POP1: variants seen among roughly 807,000 people sequenced by gnomAD.
The protein encoded by POP1 is ribonucleases P/MRP protein subunit POP1.
POP1 carries 75 observed loss-of-function variants against 102.2 expected under a neutral mutation model. The ratio of observed to expected loss-of-function variants is 0.73; its 90% CI spans 0.61 to 0.89. POP1 has a LOEUF of 0.89. POP1 is among the 40% of genes least tolerant of loss of function. The pLI is 0.00. For missense variants in POP1, 1,116 were observed against 1,267.4 expected (o/e 0.88, Z 1.81); for synonymous variants, 436 against 464.1 (o/e 0.94, Z 0.78).
intron 2 of POP1, among the ~76,000 whole-genome samples, chr8:98,124,428 G>T (rs1315912683): frequency 1.3e-5 from 2 of 152,074 alleles, no homozygotes; most frequent in Non-Finnish European, 2.9e-5. Flanking sequence ...CAGACATGGT[G>T]GTGTGTGCCT....
rs1412157334 is a variant in POP1, at chr8:98,134,567, C to G, written c.919C>G (p.Pro307Ala). ...VNKYPREMLG[P>A]VTFIWKSQRT... ...TAAATATCCCAGAGAAATGCTTGGG[C>G]CTGTTACGTTTATCTGGAAGTCCCA... The change falls in exon 7 of 16, where the codon CCT becomes GCT. Residue 307 changes from proline (P) to alanine (A), a missense_variant. Coordinates refer to ENST00000401707, the MANE Select transcript of POP1 (RefSeq NM_001145860.2). 4.3e-6 allele frequency: 7 copies of G among 1,614,054 alleles called. No individual in the cohort carries two copies. The highest frequency in any genetic ancestry group is 5.9e-6 in the Non-Finnish European group (7 of 1,179,924).
intron 12 of POP1, among the ~76,000 whole-genome samples, chr8:98,147,707 G>A (rs2130622093): frequency 6.6e-6 from 1 of 152,232 alleles, no homozygotes; most frequent in Middle Eastern, 3.4e-3. Flanking sequence ...GAGTGGAGAG[G>A]GTGATGTTTA....
chr8:98,154,659 G>C (rs1809602693), intron 14 of POP1, among the ~76,000 whole-genome samples: 1 of 152,188 alleles, frequency 6.6e-6, no homozygotes, highest in South Asian at 2.1e-4. Context: ...AGTGACAAGA[G>C]TCATAGTGGT....
intron 15 of POP1, among the ~76,000 whole-genome samples, chr8:98,156,949 G>A (rs1809667568): frequency 6.7e-6 from 1 of 148,506 alleles, no homozygotes; most frequent in Non-Finnish European, 1.5e-5. Flanking sequence ...TCACCCAGGC[G>A]GGAGTGCAGA....
chr8:98,154,017 T>C (rs1586252300), intron 14 of POP1, among the ~76,000 whole-genome samples: 1 of 152,160 alleles, frequency 6.6e-6, no homozygotes, highest in African/African-American at 2.4e-5. Flanking sequence ...TGATTGTGAC[T>C]GTCTTCATGA....
intron 6 of POP1, among the ~76,000 whole-genome samples, 159 bp from the exon 7 acceptor site, chr8:98,134,313 T>C (rs1307347222): frequency 6.6e-6 from 1 of 152,242 alleles, no homozygotes; most frequent in South Asian, 2.1e-4. Flanking sequence ...CACATATTTG[T>C]TGAGAACTTA....
In POP1 at chr8:98,130,164, A is replaced by G; in HGVS notation, c.673A>G (p.Arg225Gly). 1 of 1,614,132 alleles carries G rather than the reference A, an allele frequency of 6.2e-7. No homozygotes were observed. The highest frequency in any genetic ancestry group is 8.5e-7 in the Non-Finnish European group (1 of 1,180,022). ...GAAGTGGGGCTACTGCCTTGGGGAG[A>G]GGCCAACAGTCAAGAGCCACAGAGC... ...VKKWGYCLGE[R>G]PTVKSHRACY... Residue 225 changes from arginine to glycine, a missense_variant, in exon 5 of 16, where the codon AGG (arginine) becomes GGG (glycine). By Grantham distance (125) the Arg-to-Gly change is moderately radical (BLOSUM62 -2). Coordinates refer to ENST00000401707, the MANE Select transcript of POP1 (RefSeq NM_001145860.2).
In POP1 at chr8:98,150,043, T is replaced by G. The variant is rs901879117; in HGVS notation, c.1903-442T>G. Among the ~76,000 whole-genome samples the G allele has an allele frequency of 6.6e-5, 10 of 152,312 alleles. No individual in the cohort carries two copies. In the South Asian group the frequency reaches 2.1e-3, roughly 32 times the overall value. Reference sequence around the variant, plus strand: ...TACCCGCCATCCGGCTTAAGAAATATAACATTACAGATGCATTGATGCACC... The same window carrying G: ...TACCCGCCATCCGGCTTAAGAAATAGAACATTACAGATGCATTGATGCACC... On this transcript the variant is annotated intron_variant, in intron 13 of 15. Coordinates refer to ENST00000401707, the MANE Select transcript of POP1 (RefSeq NM_001145860.2).
intron 2 of POP1, among the ~76,000 whole-genome samples, chr8:98,124,868 A>AT (rs1213230653): frequency 6.6e-6 from 1 of 152,216 alleles, no homozygotes; most frequent in Admixed American, 6.5e-5. Context: ...ACAGTTGTTC[A>AT]TTAGGGCAGC....
chr8:98,146,493 C>T, intron 11 of POP1, 75 bp from the exon 12 acceptor site: 2 of 1,006,828 alleles, frequency 2.0e-6, no homozygotes, highest in African/African-American at 3.2e-5. Flanking sequence ...AACAAAAGGC[C>T]TATTGCCAAT....
intron 13 of POP1, among the ~76,000 whole-genome samples, chr8:98,149,742 C>T (rs775021636): frequency 1.1e-4 from 16 of 151,522 alleles, no homozygotes; most frequent in Middle Eastern, 3.2e-3. Flanking sequence ...GGCGACAGAG[C>T]GAGACTCTGT....
chr8:98,122,072 G>A (rs373442058), intron 1 of POP1, among the ~76,000 whole-genome samples: 3 of 151,554 alleles, frequency 2.0e-5, no homozygotes, highest in Admixed American at 6.6e-5. Context: ...CAAGTGATTC[G>A]CCTGCCTCAG....
chr8:98,122,138 C>T (rs1235132770), intron 1 of POP1, among the ~76,000 whole-genome samples: 5 of 152,030 alleles, frequency 3.3e-5, no homozygotes, highest in Non-Finnish European at 5.9e-5. Flanking sequence ...CTGGTTACAC[C>T]GTTTTAATAT....
chr8:98,156,332 G>A lies in POP1; in HGVS notation c.2340G>A (p.Ser780=), dbSNP rs141376172. 30 of 1,614,070 alleles carry A rather than the reference G, an allele frequency of 1.9e-5. No individual in the cohort carries two copies. The highest frequency in any genetic ancestry group is 2.4e-5 in the Non-Finnish European group (28 of 1,180,024). ...TAATGGATGCAGGGTGTCAAGAATC[G>A]GCAGGGCCTGAGAGGATCACAGACC... ...EEVMDAGCQE[S]AGPERITDQE... is the part of the protein sequence containing the mutation. Residue 780 remains serine (S), a synonymous_variant, in exon 15 of 16, where the codon TCG becomes TCA. Coordinates refer to ENST00000401707, the MANE Select transcript of POP1 (RefSeq NM_001145860.2).
chr8:98,127,600 C>T lies in POP1; in HGVS notation c.148C>T (p.His50Tyr), dbSNP rs1161650580. ...KPFQAQKQEP[H>Y]PGTSRQRQTR... Reference sequence around the variant, plus strand: ...TCTTTTTGAAAATATACTAGAGCCTCATCCTGGAACTTCACGACAGCGGCA... The same window carrying T: ...TCTTTTTGAAAATATACTAGAGCCTTATCCTGGAACTTCACGACAGCGGCA... The change falls in exon 3 of 16, where the codon CAT becomes TAT. Residue 50 changes from histidine (H) to tyrosine (Y), a missense_variant. Coordinates refer to ENST00000401707, the MANE Select transcript of POP1 (RefSeq NM_001145860.2). 3 of 1,614,130 alleles carry T rather than the reference C, an allele frequency of 1.9e-6. No homozygotes were observed. Among genetic ancestry groups the T allele is most frequent in the East Asian group, 2.2e-5 (1 of 44,874 alleles).
At chr8:98,139,767 G>T (rs1246678733) in intron 9 of POP1, among the ~76,000 whole-genome samples, 3 of 152,110 alleles carry the variant, frequency 2.0e-5, no homozygotes, top group Non-Finnish European at 4.4e-5. Flanking sequence ...TCCTTTGTTG[G>T]TACTGCGCTC....
At chr8:98,133,901 G>A in intron 5 of POP1, 48 bp from the exon 6 acceptor site, 1 of 1,396,708 alleles carries the variant, frequency 7.2e-7, no homozygotes, top group Non-Finnish European at 1.0e-6. Context: ...TAGCAGTTTT[G>A]CCTGTGTAAA....
At chr8:98,131,756 C>G (rs1378868017) in intron 5 of POP1, among the ~76,000 whole-genome samples, 1 of 152,180 alleles carries the variant, frequency 6.6e-6, no homozygotes, top group Non-Finnish European at 1.5e-5. Context: ...CCAATTTCTC[C>G]TCATCCTTTT....
intron 4 of POP1, 94 bp from the exon 5 acceptor site, chr8:98,129,884 A>T: frequency 7.1e-7 from 1 of 1,405,394 alleles, no homozygotes; most frequent in Non-Finnish European, 1.0e-6. Flanking sequence ...AAAATATTCC[A>T]CTTAATCTAA....
Sources: gnomAD v4.1 joint callset for allele counts (sites outside exome capture counted in the v4.1 genomes callset) on GRCh38, gnomAD v4.1.1 for gene constraint, MANE v1.5 for transcripts, NCBI Gene and HGNC (gene_info 2026-07-23, HGNC 2026-07-21) for gene names.